Variants in BLCAP observed in about 807,000 individuals in gnomAD.
BLCAP encodes the protein BLCAP apoptosis inducing factor.
A neutral mutation model predicts 5.7 loss-of-function variants in BLCAP; 1 was observed. The observed-to-expected ratio is 0.18, with a 90% CI of 0.06 to 0.83. The LOEUF (loss-of-function observed/expected upper bound fraction) is 0.83, where lower values mean the gene tolerates loss of function less well. Among genes scored for constraint, BLCAP ranks in the 40% least tolerant of loss-of-function variants. The probability of loss-of-function intolerance (pLI) is 0.71; values close to 1 mark genes in which losing one functional copy is unlikely to be tolerated. For synonymous variants in BLCAP, 48 were observed against 49.4 expected (o/e 0.97, Z 0.11); for missense variants, 66 against 107.6 (o/e 0.61, Z 1.71).
chr20:37,520,302 T>C (rs1200930869), intron 1 of BLCAP: 1 of 152,162 alleles, frequency 6.6e-6, no homozygotes, highest in Non-Finnish European at 1.5e-5. Context: ...ACTGGCGGTC[T>C]AAAAGGGACC....
intron 1 of BLCAP, chr20:37,523,481 T>C (rs1472332531): frequency 2.6e-5 from 4 of 152,750 alleles, no homozygotes; most frequent in Admixed American, 2.6e-4. Flanking sequence ...CCCTCACTGA[T>C]CTTGCTTTTC....
intron 1 of BLCAP, chr20:37,522,905 T>A: frequency 1.6e-6 from 1 of 642,466 alleles, no homozygotes; most frequent in African/African-American, 1.8e-5. Context: ...GAGGGGCCAG[T>A]AGACCCCCGG....
At chr20:37,522,663 G>A (rs1229721884) in intron 1 of BLCAP, 3 of 1,609,414 alleles carry the variant, frequency 1.9e-6, no homozygotes, top group East Asian at 2.2e-5. Context: ...GTTTCTCGTC[G>A]CAGGTGTTCA....
At chr20:37,527,766 G>T (rs2071749879) in intron 1 of BLCAP, 27 bp downstream of exon 1, 1 of 152,276 alleles carries the variant, frequency 6.6e-6, no homozygotes, top group Non-Finnish European at 1.5e-5. Context: ...CTCTCATCCC[G>T]CCCCAAGCAG....
chr20:37,524,835 T>C (rs1453675563), intron 1 of BLCAP, among the ~76,000 whole-genome samples: 1 of 152,204 alleles, frequency 6.6e-6, no homozygotes, highest in African/African-American at 2.4e-5. Flanking sequence ...GTTCTGGTCT[T>C]GACTTTGCCA....
At position 37,522,510 on chromosome 20, in the gene BLCAP, G is replaced by A. The variant is rs1311381404; in HGVS notation, c.-176-3160C>T. 2.0e-6 allele frequency: 3 copies of A among 1,500,800 alleles called. No individual in the cohort carries two copies. In the African/African-American group the frequency reaches 4.2e-5, roughly 21 times the overall value. The allele number at this position is 1,500,800 out of a possible 1,614,324, so 93.0% of individuals were successfully genotyped here. On this transcript the variant is annotated intron_variant, in intron 1 of 1. Coordinates refer to ENST00000373537, the MANE Select transcript of BLCAP (RefSeq NM_006698.4). ...CAGCACAGTTGGAAAAGCTCCAGCTGCCCTGACTCGTGGACAAGCTGCGCC... is the reference window on the plus strand; with the variant it reads ...CAGCACAGTTGGAAAAGCTCCAGCTACCCTGACTCGTGGACAAGCTGCGCC...
intron 1 of BLCAP, among the ~76,000 whole-genome samples, chr20:37,527,313 G>A (rs1466160279): frequency 1.3e-5 from 2 of 152,008 alleles, no homozygotes; most frequent in African/African-American, 4.8e-5. Context: ...ACACCGAAGC[G>A]GAGCCTCAGG....
chr20:37,523,709 C>T (rs1019704623), intron 1 of BLCAP: 1 of 152,602 alleles, frequency 6.6e-6, no homozygotes, highest in African/African-American at 2.4e-5. Flanking sequence ...CTTGTGATTT[C>T]TTTAGCGGCA....
chr20:37,524,214 A>G (rs930055376), intron 1 of BLCAP, among the ~76,000 whole-genome samples: 2 of 152,190 alleles, frequency 1.3e-5, no homozygotes, highest in Admixed American at 6.5e-5. Flanking sequence ...ACCCAGCTTA[A>G]TGCTGCAGGC....
intron 1 of BLCAP, among the ~76,000 whole-genome samples, chr20:37,527,361 C>A (rs1278180608): frequency 6.7e-6 from 1 of 149,364 alleles, no homozygotes; most frequent in East Asian, 2.0e-4. Flanking sequence ...CCCCCCACCT[C>A]CCCCCCAAAA....
intron 1 of BLCAP, chr20:37,522,788 T>A: frequency 6.4e-7 from 1 of 1,554,010 alleles, no homozygotes; most frequent in South Asian, 1.2e-5. Flanking sequence ...TGGGCGGCCG[T>A]ATCATCAGGT....
chr20:37,518,727 C>A lies in BLCAP; in HGVS notation c.*184G>T, dbSNP rs1220699889. The A allele has an allele frequency of 4.6e-6, 4 of 866,404 alleles. No individual in the cohort carries two copies. Among genetic ancestry groups the A allele is most frequent in the Non-Finnish European group, 6.9e-6 (4 of 576,966 alleles). 53.7% of individuals were successfully genotyped at this position (866,404 alleles called of 1,614,324 possible). The stretch of plus-strand genomic sequence containing the variant: ...GACCACCCACGACTATAGGACTTTA[C>A]AATAAAAGCACCGGTCAGTGCCATT... On this transcript the variant is annotated 3_prime_UTR_variant, in exon 2 of 2. Coordinates refer to ENST00000373537, the MANE Select transcript of BLCAP (RefSeq NM_006698.4).
intron 1 of BLCAP, chr20:37,523,720 T>C (rs1041547451): frequency 1.3e-5 from 2 of 152,578 alleles, no homozygotes; most frequent in Non-Finnish European, 2.9e-5. Flanking sequence ...TTTAGCGGCA[T>C]CAACATACAC....
Position 37,518,938 on chromosome 20 carries a change from C to A in BLCAP, c.237G>T (p.Ala79=). 6.2e-7 allele frequency: 1 copy of A among 1,614,188 alleles called. No individual in the cohort carries two copies. The highest frequency in any genetic ancestry group is 8.5e-7 in the Non-Finnish European group (1 of 1,180,030). The change falls in exon 2 of 2, where the codon GCG becomes GCT. Residue 79 remains alanine, a synonymous_variant. Coordinates refer to ENST00000373537, the MANE Select transcript of BLCAP (RefSeq NM_006698.4). The stretch of plus-strand genomic sequence containing the variant: ...AGGTGCCCACAACGCCGGGATCATG[C>A]GCCGATTCTGGAAGCGGGGAATCGG... The part of the protein sequence containing the change: ...HCSDSPLPES[A]HDPGVVGT
chr20:37,519,664 C>T (rs1170509641), intron 1 of BLCAP, among the ~76,000 whole-genome samples: 1 of 152,198 alleles, frequency 6.6e-6, no homozygotes, highest in Non-Finnish European at 1.5e-5. Context: ...GGGCCCTGCC[C>T]AGCAGAGATC....
chr20:37,526,609 G>T (rs541313461), intron 1 of BLCAP: 1 of 152,010 alleles, frequency 6.6e-6, no homozygotes, highest in South Asian at 2.1e-4. Context: ...AAAGATAGGA[G>T]AACAACAACA....
rs1370843992 is a variant in BLCAP at position 37,517,875 on chromosome 20, A to C, written c.*1036T>G. The C allele has an allele frequency of 6.6e-6, 1 of 152,666 alleles. No homozygotes were observed. Among genetic ancestry groups the C allele is most frequent in the Non-Finnish European group, 1.5e-5 (1 of 68,046 alleles). The allele number at this position is 152,666 out of a possible 1,614,324, so 9.5% of individuals were successfully genotyped here. On this transcript the variant is annotated 3_prime_UTR_variant, in exon 2 of 2. Transcript: ENST00000373537. ...CACTCTGCAATCCCCATGCTAAATA[A>C]AAACTGTAGCGGCACCTACCATATA...
chr20:37,522,834 C>T lies in BLCAP; in HGVS notation c.-176-3484G>A. ...ATCTCGGCCAGCACGGGAGCCAGTGCCGCGCAGGAATGTGGGGTCCCCTGT... is the reference window on the plus strand; with the variant it reads ...ATCTCGGCCAGCACGGGAGCCAGTGTCGCGCAGGAATGTGGGGTCCCCTGT... On this transcript the variant is annotated intron_variant, in intron 1 of 1. Coordinates refer to ENST00000373537, the MANE Select transcript of BLCAP (RefSeq NM_006698.4). 2.2e-6 allele frequency: 3 copies of T among 1,380,044 alleles called. No individual in the cohort carries two copies. The South Asian group carries it at 4.0e-5, about 19-fold the overall frequency. The allele number at this position is 1,380,044 out of a possible 1,614,324, so 85.5% of individuals were successfully genotyped here. A position where few individuals can be genotyped will look rare whatever the true frequency, so the allele number is the denominator to read the frequency against.
chr20:37,520,299 G>C (rs933862785), intron 1 of BLCAP: 5 of 152,220 alleles, frequency 3.3e-5, no homozygotes, highest in Admixed American at 1.3e-4. Flanking sequence ...AAGACTGGCG[G>C]TCTAAAAGGG....
Sources: gnomAD v4.1 joint callset for allele counts (sites outside exome capture counted in the v4.1 genomes callset) on GRCh38, gnomAD v4.1.1 for gene constraint, MANE v1.5 for transcripts, NCBI Gene and HGNC (gene_info 2026-07-23, HGNC 2026-07-21) for gene names.